The following NOX5 variants were observed in gnomAD, a reference collection of about 807,000 sequenced individuals.
The protein encoded by NOX5 is NADPH oxidase, EF-hand calcium binding domain 5.
Under a neutral mutation model 85.7 loss-of-function variants are expected in NOX5, and 76 were observed. The observed-to-expected ratio is 0.89, with a 90% CI of 0.74 to 1.07. The LOEUF is 1.07. NOX5 is among the 50% of genes least tolerant of loss of function. The pLI is 0.00. For missense variants in NOX5, 973 were observed against 999.5 expected, an observed-to-expected ratio of 0.97 and a Z score of 0.36; for synonymous variants, 405 against 401.4, an observed-to-expected ratio of 1.01 and a Z score of -0.11.
In NOX5 at chr15:69,060,629, G is replaced by A. The variant is rs1051195901; in HGVS notation, c.*3933G>A. ...TTTTTGTTTTACTTTTTGCCCTTCT[G>A]TAAAGTTTAAGTTTTTATTAATATT... On this transcript the variant is annotated 3_prime_UTR_variant, in exon 16 of 16. Transcript: ENST00000388866. The A allele has an allele frequency of 6.6e-6, 1 of 152,130 alleles. No homozygotes were observed. Among genetic ancestry groups the A allele is most frequent in the Non-Finnish European group, 1.5e-5 (1 of 68,022 alleles). The allele number at this position is 152,130 out of a possible 1,614,324, so 9.4% of individuals were successfully genotyped here. A position where few individuals can be genotyped will look rare whatever the true frequency, so the allele number is the denominator to read the frequency against.
In NOX5 at chr15:69,035,384, C is replaced by G. The variant is rs1365219313; in HGVS notation, c.886C>G (p.Leu296Val). ...GATGCTCAGACGCTGCCTCACCTGGCTGCGGGCCACGTGGCTGGCTCAAGT... is the reference window on the plus strand; with the variant it reads ...GATGCTCAGACGCTGCCTCACCTGGGTGCGGGCCACGTGGCTGGCTCAAGT... ...VLMLRRCLTW[L>V]RATWLAQVLP... The change falls in exon 6 of 16, where the codon CTG becomes GTG. Residue 296 changes from leucine (L) to valine (V), a missense_variant. By Grantham distance (32) the Leu-to-Val change is conservative. Transcript: ENST00000388866. 1 of 1,614,030 alleles carries G rather than the reference C, an allele frequency of 6.2e-7. No individual in the cohort carries two copies. The highest frequency in any genetic ancestry group is 8.5e-7 in the Non-Finnish European group (1 of 1,180,000).
intron 5 of NOX5, among the ~76,000 whole-genome samples, chr15:69,033,479 TAATAAC>T (rs956486012): frequency 1.3e-4 from 20 of 152,092 alleles, no homozygotes; most frequent in Admixed American, 9.2e-4. Flanking sequence ...AGCCAGTAAA[TAATAAC>T]ATAACTGGCA....
At chr15:69,019,453 C>T (rs2140245087) in intron 1 of NOX5, among the ~76,000 whole-genome samples, 1 of 152,344 alleles carries the variant, frequency 6.6e-6, no homozygotes, top group African/African-American at 2.4e-5. Context: ...GAAATCTCTA[C>T]ATTATGGCTC....
rs1243398700 is a variant in NOX5, at chr15:69,058,886, A to T, written c.*2190A>T. ...GGGTGTTCTGACTTAAGGTTGGAGG[A>T]TGTAAACAGGCTGTGCCAAATCATT... is the stretch of plus-strand genomic sequence containing the variant. On this transcript the variant is annotated 3_prime_UTR_variant, in exon 16 of 16. Transcript: ENST00000388866. 6.6e-6 allele frequency: 1 copy of T among 152,222 alleles called. No individual in the cohort carries two copies. The highest frequency in any genetic ancestry group is 1.5e-5 in the Non-Finnish European group (1 of 68,064). 9.4% of individuals were successfully genotyped at this position (152,222 alleles called of 1,614,324 possible). A position where few individuals can be genotyped will look rare whatever the true frequency, so the allele number is the denominator to read the frequency against.
rs1327733814 is a variant in NOX5 at position 69,031,828 on chromosome 15, G to T, written c.620+16G>T. The T allele has an allele frequency of 6.3e-7, 1 of 1,586,600 alleles. No homozygotes were observed. The highest frequency in any genetic ancestry group is 1.1e-5 in the South Asian group (1 of 88,918). ...TGACCATCAGGTACGGCCGGGTCTC[G>T]GGCATTGGCACTGTCCACGGCGGCG... On this transcript the variant is annotated intron_variant, in intron 4 of 15. Transcript: ENST00000388866.
At chr15:69,029,645 G>C (rs1160483222) in intron 3 of NOX5, 1 of 150,660 alleles carries the variant, frequency 6.6e-6, no homozygotes, top group Non-Finnish European at 1.5e-5. Flanking sequence ...GGTGGTCCAA[G>C]TTCTCCACAT....
intron 1 of NOX5, 96 bp from the exon 2 acceptor site, chr15:69,026,432 C>A (rs2050358825): frequency 4.6e-6 from 7 of 1,523,968 alleles, no homozygotes; most frequent in Middle Eastern, 2.2e-4. Context: ...GGCTCAGGGC[C>A]CTAGTTAGAG....
intron 10 of NOX5, among the ~76,000 whole-genome samples, chr15:69,045,348 A>G (rs954359528): frequency 6.6e-6 from 1 of 152,348 alleles, no homozygotes; most frequent in African/African-American, 2.4e-5. Context: ...CTAGTATCGC[A>G]TGCTGCACAG....
Position 69,057,492 on chromosome 15 carries a change from G to T in NOX5, c.*796G>T, listed in dbSNP as rs571023901. On this transcript the variant is annotated 3_prime_UTR_variant, in exon 16 of 16. Transcript: ENST00000388866. ...TCCCCATCTCCCTCTCTCCTGGCGC[G>T]TCCCTCAGAGCCTCTCTGGGCTCTG... 6.6e-6 allele frequency: 1 copy of T among 152,164 alleles called. No homozygotes were observed. The highest frequency in any genetic ancestry group is 2.4e-5 in the African/African-American group (1 of 41,420). 9.4% of individuals were successfully genotyped at this position (152,164 alleles called of 1,614,324 possible).
At chr15:69,025,656 A>T (rs143666100) in intron 1 of NOX5, among the ~76,000 whole-genome samples, 156 of 152,334 alleles carry the variant, frequency 1.0e-3, no homozygotes, top group East Asian at 5.8e-4. Context: ...ACTGTAGCTA[A>T]GTCATTTAGG....
Position 69,026,474 on chromosome 15 carries a change from C to T in NOX5, c.51-54C>T. 2.5e-6 allele frequency: 4 copies of T among 1,611,430 alleles called. No individual in the cohort carries two copies. The Admixed American group carries it at 5.0e-5, about 20-fold the overall frequency. ...AGAGGCCCTGGGACCACCATGAGAC[C>T]TCATAAGGCTTTGGCCACCCCAAGC... On this transcript the variant is annotated intron_variant, in intron 1 of 15. Transcript: ENST00000388866.
Position 69,031,768 on chromosome 15 carries a change from C to A in NOX5, c.576C>A (p.Asp192Glu), listed in dbSNP as rs773383624. ...NGAITFEELR[D>E]ELQRFPGVME... ...CCATCACCTTCGAGGAGCTCCGGGA[C>A]GAGCTGCAGCGCTTCCCCGGAGTCA... The change falls in exon 4 of 16, where the codon GAC (aspartate) becomes GAA (glutamate). Residue 192 changes from aspartate to glutamate, a missense_variant. Physicochemically the swap from Asp to Glu is conservative, Grantham distance 45 (BLOSUM62 2). Coordinates refer to ENST00000388866, the MANE Select transcript of NOX5 (RefSeq NM_024505.4). 6.2e-7 allele frequency: 1 copy of A among 1,606,844 alleles called. No homozygotes were observed. The highest frequency in any genetic ancestry group is 1.3e-5 in the African/African-American group (1 of 74,832).
chr15:69,044,296 A>T (rs2140272958), intron 10 of NOX5, among the ~76,000 whole-genome samples: 1 of 152,278 alleles, frequency 6.6e-6, no homozygotes, highest in Admixed American at 6.5e-5. Context: ...TCTGTTCTAG[A>T]TGCTGGAGAT....
At chr15:69,049,863 T>C (rs1430625553) in intron 14 of NOX5, among the ~76,000 whole-genome samples, 1 of 152,216 alleles carries the variant, frequency 6.6e-6, no homozygotes, top group African/African-American at 2.4e-5. Context: ...AATTTAAGCG[T>C]ACAATAAATA....
rs147006179 is a variant in NOX5, at chr15:69,028,526, T to A, written c.325+161T>A. ...GAGGCTGACACTTCCTTTCCTCACATCTCTCTCCCAGTCCCCAGTCTCTCT... is the reference window on the plus strand; with the variant it reads ...GAGGCTGACACTTCCTTTCCTCACAACTCTCTCCCAGTCCCCAGTCTCTCT... On this transcript the variant is annotated intron_variant, in intron 3 of 15. Transcript: ENST00000388866. The A allele has an allele frequency of 1.4e-3, 745 of 549,528 alleles. 5 individuals carry two copies. The highest frequency in any genetic ancestry group is 0.013 in the South Asian group (360 of 28,604). 34.0% of individuals were successfully genotyped at this position (549,528 alleles called of 1,614,324 possible).
rs1006564791 is a variant in NOX5, at chr15:69,062,700, A to G, written c.*6004A>G. The G allele has an allele frequency of 1.3e-5, 2 of 152,274 alleles. No homozygotes were observed. The highest frequency in any genetic ancestry group is 4.8e-5 in the African/African-American group (2 of 41,456). 9.4% of individuals were successfully genotyped at this position (152,274 alleles called of 1,614,324 possible). ...CACTTTATCATCAGCCTATCTGTAAAGACTTCCTTGCTGGTCCCTCCCATC... is the reference window on the plus strand; with the variant it reads ...CACTTTATCATCAGCCTATCTGTAAGGACTTCCTTGCTGGTCCCTCCCATC... On this transcript the variant is annotated 3_prime_UTR_variant, in exon 16 of 16. Transcript: ENST00000388866.
chr15:69,050,539 C>T (rs141867299), intron 14 of NOX5, among the ~76,000 whole-genome samples: 3 of 152,190 alleles, frequency 2.0e-5, no homozygotes, highest in Admixed American at 6.5e-5. Context: ...TACAAGCGCC[C>T]GCCTCCACGC....
In NOX5 at chr15:69,045,535, T is replaced by TTTTTCTTTCTTTCTTTCTTTC. The variant is rs1420996568; in HGVS notation, c.1648-1283_1648-1263dup. On this transcript the variant is annotated intron_variant, in intron 10 of 15. Coordinates refer to ENST00000388866, the MANE Select transcript of NOX5 (RefSeq NM_024505.4). ...TCTTTCTTTCTTTCTCTTCCTTTCT[T>TTTTTCTTTCTTTCTTTCTTTC]TTTTCTTTCTTTCTTTCTTTCTTTC... is the stretch of plus-strand genomic sequence containing the variant. 1.0e-3 allele frequency among the ~76,000 whole-genome samples: 54 copies of TTTTTCTTTCTTTCTTTCTTTC among 53,132 alleles called. 1 individual carries two copies. Among genetic ancestry groups the TTTTTCTTTCTTTCTTTCTTTC allele is most frequent in the Non-Finnish European group, 1.5e-3 (37 of 24,520 alleles). The allele number at this position is 53,132 out of a possible 152,430, so 34.9% of individuals were successfully genotyped here.
At chr15:69,043,408 A>C (rs2050620830) in intron 10 of NOX5, 1 of 152,462 alleles carries the variant, frequency 6.6e-6, no homozygotes, top group Non-Finnish European at 1.5e-5. Flanking sequence ...GCTGAGGCCG[A>C]GGGTGGCTGA....
Sources: allele counts gnomAD v4.1 joint callset (sites outside exome capture counted in the v4.1 genomes callset), GRCh38; gene constraint gnomAD v4.1.1; transcripts MANE v1.5; gene names NCBI Gene and HGNC (gene_info 2026-07-23, HGNC 2026-07-21).